CDH12: variants seen among roughly 807,000 people sequenced by gnomAD.
The protein encoded by CDH12 is cadherin 12, also known as cadherin-12.
CDH12 carries 41 observed loss-of-function variants against 74.1 expected under a neutral mutation model. The ratio of observed to expected loss-of-function variants is 0.55; its 90% confidence interval spans 0.43 to 0.72. The LOEUF (loss-of-function observed/expected upper bound fraction) is 0.72, where lower values mean the gene tolerates loss of function less well. CDH12 is among the 30% of genes least tolerant of loss of function. The pLI, the probability that CDH12 is intolerant of heterozygous loss-of-function variation, is 0.00. For synonymous variants in CDH12, 399 were observed against 355.0 expected, an observed-to-expected ratio of 1.12 and a Z score of -1.39; for missense variants, 945 against 977.2, an observed-to-expected ratio of 0.97 and a Z score of 0.44.
intron 1 of CDH12, among the ~76,000 whole-genome samples, chr5:22,746,788 A>G (rs539860405): frequency 6.6e-6 from 1 of 152,350 alleles, no homozygotes; most frequent in South Asian, 2.1e-4. Flanking sequence ...GGAAAATTCC[A>G]TGGTAAGCTT....
At chr5:22,766,122 C>T (rs937434646) in intron 1 of CDH12, among the ~76,000 whole-genome samples, 45 of 151,966 alleles carry the variant, frequency 3.0e-4, no homozygotes, top group Middle Eastern at 3.4e-3. Context: ...TGATTTTCAA[C>T]TATTAGAAAG....
At chr5:22,199,908 C>T (rs1750828943) in intron 4 of CDH12, among the ~76,000 whole-genome samples, 1 of 152,194 alleles carries the variant, frequency 6.6e-6, no homozygotes, top group Admixed American at 6.5e-5. Flanking sequence ...TTTAAAATGT[C>T]ACTTGTGCCT....
At chr5:22,557,585 T>C (rs1166634067) in intron 1 of CDH12, among the ~76,000 whole-genome samples, 1 of 152,030 alleles carries the variant, frequency 6.6e-6, no homozygotes, top group African/African-American at 2.4e-5. Flanking sequence ...CAGTTTCAAG[T>C]GGGGTAATTC....
At chr5:22,134,372 C>T (rs1459533676) in intron 4 of CDH12, among the ~76,000 whole-genome samples, 1 of 152,034 alleles carries the variant, frequency 6.6e-6, no homozygotes, top group African/African-American at 2.4e-5. Flanking sequence ...AATAATCCCA[C>T]AGTTCTTCTA....
intron 1 of CDH12, among the ~76,000 whole-genome samples, chr5:22,687,153 G>C (rs1741845366): frequency 6.6e-6 from 1 of 152,052 alleles, no homozygotes; most frequent in Non-Finnish European, 1.5e-5. Context: ...AATTAGCTGG[G>C]CATGATGGCC....
chr5:22,152,409 T>A (rs557363140), intron 4 of CDH12: 11 of 152,326 alleles, frequency 7.2e-5, no homozygotes, highest in African/African-American at 2.6e-4. Context: ...ACAGATGAAA[T>A]GATTTGCCTG....
intron 1 of CDH12, among the ~76,000 whole-genome samples, chr5:22,586,044 T>G (rs2126791041): frequency 1.3e-5 from 2 of 152,288 alleles, no homozygotes; most frequent in South Asian, 4.1e-4. Flanking sequence ...TGCACACGTA[T>G]GTTTATTGTG....
chr5:22,062,241 A>G (rs1367214983), intron 5 of CDH12, among the ~76,000 whole-genome samples: 13 of 152,174 alleles, frequency 8.5e-5, no homozygotes, highest in Non-Finnish European at 1.3e-4. Context: ...CTAGCATATT[A>G]TGAAACAGCT....
At chr5:22,106,734 C>T (rs901633944) in intron 4 of CDH12, among the ~76,000 whole-genome samples, 2 of 152,134 alleles carry the variant, frequency 1.3e-5, no homozygotes, top group African/African-American at 4.8e-5. Flanking sequence ...AAAGAATATC[C>T]CTCCAACAGT....
intron 3 of CDH12, among the ~76,000 whole-genome samples, chr5:22,262,080 G>A (rs1293384517): frequency 6.6e-6 from 1 of 151,636 alleles, no homozygotes; most frequent in Non-Finnish European, 1.5e-5. Flanking sequence ...TAATATCATT[G>A]CATGGTTTTA....
chr5:21,859,642 T>C (rs866450180), intron 6 of CDH12, among the ~76,000 whole-genome samples: 4 of 151,968 alleles, frequency 2.6e-5, no homozygotes, highest in Admixed American at 2.0e-4. Context: ...CATTACATTC[T>C]GCTGGCCTAG....
intron 5 of CDH12, among the ~76,000 whole-genome samples, chr5:22,048,540 C>T (rs768532975): frequency 3.0e-4 from 46 of 151,536 alleles, no homozygotes; most frequent in East Asian, 5.8e-4. Context: ...TATTGAATGG[C>T]GGGGAAAGGT....
rs1351648348 is a variant in CDH12 at position 22,775,721 on chromosome 5, GA to G, written c.-523+77336del. 1.2e-4 allele frequency among the ~76,000 whole-genome samples: 19 copies of G among 152,070 alleles called. No individual in the cohort carries two copies. In the South Asian group the frequency reaches 4.0e-3, roughly 32 times the overall value. On this transcript the variant is annotated intron_variant, in intron 1 of 14. Coordinates refer to ENST00000382254, the MANE Select transcript of CDH12 (RefSeq NM_004061.5). ...AAATAAAATATTTTACATGTACTAT[GA>G]ATTACATATATATTTATTTATTATA...
chr5:21,786,583 T>C (rs1236647250), intron 10 of CDH12, among the ~76,000 whole-genome samples: 1 of 152,150 alleles, frequency 6.6e-6, no homozygotes, highest in Non-Finnish European at 1.5e-5. Context: ...TATAAGGAAA[T>C]GAATGTTGTT....
At position 22,167,367 on chromosome 5, in the gene CDH12, C is replaced by T. The variant is rs567593641; in HGVS notation, c.-187+45131G>A. Among the ~76,000 whole-genome samples, 82 of 152,292 alleles carry T rather than the reference C, an allele frequency of 5.4e-4. 1 individual carries two copies. The highest frequency in any genetic ancestry group is 1.9e-3 in the African/African-American group (78 of 41,566). ...ACCCCAGGGAATTGGAATGACCTTA[C>T]TCTGCCAAACCAAAGCAGATTGAAA... On this transcript the variant is annotated intron_variant, in intron 4 of 14. Coordinates refer to ENST00000382254, the MANE Select transcript of CDH12 (RefSeq NM_004061.5).
intron 1 of CDH12, among the ~76,000 whole-genome samples, chr5:22,809,087 CAA>C (rs201395105): frequency 7.3e-6 from 1 of 137,842 alleles, no homozygotes. Flanking sequence ...TCGTTGAAGG[CAA>C]AAAAAAAAAC....
At chr5:22,088,944 C>T (rs1340041083) in intron 4 of CDH12, among the ~76,000 whole-genome samples, 3 of 152,122 alleles carry the variant, frequency 2.0e-5, no homozygotes, top group South Asian at 2.1e-4. Context: ...GCACAAAGGG[C>T]TTAAATAAAA....
At chr5:22,233,711 T>C (rs1475274479) in intron 3 of CDH12, among the ~76,000 whole-genome samples, 1 of 152,210 alleles carries the variant, frequency 6.6e-6, no homozygotes, top group East Asian at 1.9e-4. Context: ...GCTATGGCTA[T>C]ATTTTTGATA....
At chr5:22,572,355 C>G (rs1212015098) in intron 1 of CDH12, among the ~76,000 whole-genome samples, 1 of 152,094 alleles carries the variant, frequency 6.6e-6, no homozygotes, top group Non-Finnish European at 1.5e-5. Context: ...ATTCATTTGA[C>G]AGAAATTTAC....
Sources: gnomAD v4.1 joint callset for allele counts (sites outside exome capture counted in the v4.1 genomes callset) on GRCh38, gnomAD v4.1.1 for gene constraint, MANE v1.5 for transcripts, NCBI Gene and HGNC (gene_info 2026-07-23, HGNC 2026-07-21) for gene names.